The following YWHAE variants were observed in gnomAD, a reference collection of about 807,000 sequenced individuals.
YWHAE encodes the protein 14-3-3 protein epsilon.
YWHAE carries 4 observed loss-of-function variants against 30.1 expected under a neutral mutation model. That is an observed-to-expected ratio of 0.13 (90% CI 0.07 to 0.30). The LOEUF (loss-of-function observed/expected upper bound fraction) is 0.30. YWHAE is among the 10% of genes least tolerant of loss of function. YWHAE has a pLI of 1.00. For synonymous variants in YWHAE, 118 were observed against 111.8 expected (o/e 1.06, Z -0.35); for missense variants, 121 against 315.9 (o/e 0.38, Z 4.68).
intron 1 of YWHAE, among the ~76,000 whole-genome samples, chr17:1,381,253 G>A (rs527589909): frequency 6.6e-6 from 1 of 152,128 alleles, no homozygotes; most frequent in South Asian, 2.1e-4. Context: ...GTGGGATTAC[G>A]CCTGTAATCC....
intron 1 of YWHAE, among the ~76,000 whole-genome samples, chr17:1,388,129 T>TG (rs2073334713): frequency 9.6e-6 from 1 of 103,998 alleles, no homozygotes; most frequent in East Asian, 2.5e-4. Flanking sequence ...TTTTTTTTTT[T>TG]TTTTTTTTTT....
In YWHAE at chr17:1,361,073, G is replaced by C. The variant is rs755194734; in HGVS notation, c.578+19C>G. On this transcript the variant is annotated intron_variant, in intron 4 of 5. Transcript: ENST00000264335. Reference sequence around the variant, plus strand: ...CTTAACTTTCACGCTGAGCGCTGCTGTTCTTCCCCACAACTTACCTGCAGG... The same window carrying C: ...CTTAACTTTCACGCTGAGCGCTGCTCTTCTTCCCCACAACTTACCTGCAGG... The C allele has an allele frequency of 3.1e-6, 5 of 1,610,832 alleles. No homozygotes were observed. The African/African-American group carries it at 6.7e-5, about 22-fold the overall frequency.
Position 1,353,763 on chromosome 17 carries a change from CAAA to C in YWHAE, c.715+445_715+447del, listed in dbSNP as rs201551828. 1.9e-3 allele frequency among the ~76,000 whole-genome samples: 276 copies of C among 144,376 alleles called. 1 individual carries two copies. Among genetic ancestry groups the C allele is most frequent in the Non-Finnish European group, 2.9e-3 (192 of 65,500 alleles). The allele number at this position is 144,376 out of a possible 152,430, so 94.7% of individuals were successfully genotyped here. On this transcript the variant is annotated intron_variant, in intron 5 of 5. Transcript: ENST00000264335. ...TGGGTGTCGCAGCAAGACTCCGTCT[CAAA>C]AAAAAAAAAAAGAGACCCAAGGGCC...
chr17:1,372,832 C>T (rs574022390), intron 1 of YWHAE, among the ~76,000 whole-genome samples: 8 of 151,824 alleles, frequency 5.3e-5, no homozygotes, highest in South Asian at 4.2e-4. Context: ...GTGTGCCTGT[C>T]GTCCCAGCTT....
chr17:1,368,319 T>C (rs1012114802), intron 1 of YWHAE, among the ~76,000 whole-genome samples: 1 of 151,818 alleles, frequency 6.6e-6, no homozygotes, highest in African/African-American at 2.4e-5. Context: ...GAGGTTGCAC[T>C]GAGTGGAGAT....
intron 1 of YWHAE, among the ~76,000 whole-genome samples, chr17:1,396,489 GA>G (rs2073473871): frequency 6.6e-6 from 1 of 152,104 alleles, no homozygotes; most frequent in East Asian, 1.9e-4. Flanking sequence ...AATCCAACAT[GA>G]CCATCAAAAC....
intron 1 of YWHAE, among the ~76,000 whole-genome samples, chr17:1,392,710 C>T (rs1259943984): frequency 2.0e-5 from 3 of 151,856 alleles, no homozygotes; most frequent in Admixed American, 2.0e-4. Flanking sequence ...ATTAGCCAAG[C>T]ATGATGGCCC....
intron 4 of YWHAE, among the ~76,000 whole-genome samples, chr17:1,358,561 C>G (rs1324242182): frequency 6.7e-6 from 1 of 148,772 alleles, no homozygotes; most frequent in African/African-American, 2.5e-5. Flanking sequence ...AAAAATTGGC[C>G]GGGCGCAGTG....
rs750204309 is a variant in YWHAE, at chr17:1,361,653, G to T, written c.371+249C>A. On this transcript the variant is annotated intron_variant, in intron 3 of 5. Transcript: ENST00000264335. ...ATAAAATGTCTATATATAACACTAAGCACTGTGAAATGTATGCCGTTTGGG... is the reference window on the plus strand; with the variant it reads ...ATAAAATGTCTATATATAACACTAATCACTGTGAAATGTATGCCGTTTGGG... The T allele has an allele frequency of 3.6e-4, 164 of 459,590 alleles. 1 individual carries two copies. Among genetic ancestry groups the T allele is most frequent in the Non-Finnish European group, 6.9e-5 (18 of 260,142 alleles). The allele number at this position is 459,590 out of a possible 1,614,324, so 28.5% of individuals were successfully genotyped here. A position where few individuals can be genotyped will look rare whatever the true frequency, so the allele number is the denominator to read the frequency against.
At chr17:1,368,281 C>A (rs952645430) in intron 1 of YWHAE, among the ~76,000 whole-genome samples, 1 of 151,750 alleles carries the variant, frequency 6.6e-6, no homozygotes, top group South Asian at 2.1e-4. Context: ...GAGGCTGAGG[C>A]GAGAGAATTG....
chr17:1,351,911 G>A (rs761868420), intron 5 of YWHAE, among the ~76,000 whole-genome samples: 4 of 151,024 alleles, frequency 2.6e-5, no homozygotes, highest in Non-Finnish European at 5.9e-5. Context: ...CCTCAGCCTT[G>A]CAAGTAGCTG....
intron 5 of YWHAE, among the ~76,000 whole-genome samples, chr17:1,350,862 A>G (rs1049805778): frequency 6.6e-6 from 1 of 151,624 alleles, no homozygotes; most frequent in Non-Finnish European, 1.5e-5. Context: ...GTTAGAGACC[A>G]GCCTGGCCAA....
intron 1 of YWHAE, among the ~76,000 whole-genome samples, chr17:1,376,887 TA>T (rs2073133040): frequency 6.6e-6 from 1 of 151,576 alleles, no homozygotes; most frequent in African/African-American, 2.4e-5. Context: ...CTGACAGGAT[TA>T]ATGTTCCTCT....
chr17:1,362,357 A>G (rs1451035259), intron 2 of YWHAE, among the ~76,000 whole-genome samples: 2 of 152,178 alleles, frequency 1.3e-5, no homozygotes, highest in African/African-American at 4.8e-5. Flanking sequence ...AATTACATGA[A>G]TTACCTTCTT....
chr17:1,367,814 CAGAA>C (rs1008028705), intron 1 of YWHAE, among the ~76,000 whole-genome samples: 1 of 152,046 alleles, frequency 6.6e-6, no homozygotes, highest in Non-Finnish European at 1.5e-5. Flanking sequence ...ACTAAAAAGA[CAGAA>C]AGCAAATGGT....
chr17:1,348,111 C>T (rs2072557420), intron 5 of YWHAE: 1 of 499,702 alleles, frequency 2.0e-6, no homozygotes. Flanking sequence ...GATACAGGAG[C>T]CGGACTTTGG....
At chr17:1,396,881 C>G (rs1330899546) in intron 1 of YWHAE, among the ~76,000 whole-genome samples, 1 of 150,990 alleles carries the variant, frequency 6.6e-6, no homozygotes, top group African/African-American at 2.4e-5. Flanking sequence ...CTTGGCCTCC[C>G]AAAGTACTGG....
intron 2 of YWHAE, among the ~76,000 whole-genome samples, chr17:1,363,253 C>CTTTAT (rs2072890821): frequency 6.6e-6 from 1 of 152,022 alleles, no homozygotes; most frequent in Admixed American, 6.6e-5. Flanking sequence ...CATCTGGACT[C>CTTTAT]TTTATTTTTT....
Position 1,362,022 on chromosome 17 carries a change from A to C in YWHAE, c.265-14T>G. 1 of 1,503,020 alleles carries C rather than the reference A, an allele frequency of 6.7e-7. No homozygotes were observed. Among genetic ancestry groups the C allele is most frequent in the Non-Finnish European group, 8.9e-7 (1 of 1,120,456 alleles). The allele number at this position is 1,503,020 out of a possible 1,614,324, so 93.1% of individuals were successfully genotyped here. On this transcript the variant is annotated splice_polypyrimidine_tract_variant and intron_variant, in intron 2 of 5. Transcript: ENST00000264335. ...CTCAGTCTCAACCTAAAAAAAAAAAAATTTTTTTTAAATCAGATTAAGTCT... is the reference window on the plus strand; with the variant it reads ...CTCAGTCTCAACCTAAAAAAAAAAACATTTTTTTTAAATCAGATTAAGTCT...
Sources: gnomAD v4.1 joint callset for allele counts (sites outside exome capture counted in the v4.1 genomes callset) on GRCh38, gnomAD v4.1.1 for gene constraint, MANE v1.5 for transcripts, NCBI Gene and HGNC (gene_info 2026-07-23, HGNC 2026-07-21) for gene names.